The following VTI1A variants were observed in gnomAD, a reference collection of about 807,000 sequenced individuals.
VTI1A encodes vesicle transport through interaction with t-SNAREs homolog 1A.
A neutral mutation model predicts 34.9 loss-of-function variants in VTI1A; 22 were observed. The observed-to-expected ratio is 0.63, with a 90% CI of 0.45 to 0.90. The LOEUF (loss-of-function observed/expected upper bound fraction) is 0.90, where lower values mean the gene tolerates loss of function less well. VTI1A is among the 40% of genes least tolerant of loss of function. The pLI, the probability that VTI1A is intolerant of heterozygous loss-of-function variation, is 0.00. For missense variants in VTI1A, 268 were observed against 275.6 expected, an observed-to-expected ratio of 0.97 and a Z score of 0.20; for synonymous variants, 87 against 97.3, an observed-to-expected ratio of 0.89 and a Z score of 0.62.
chr10:112,611,451 ATAT>A (rs1405993429), intron 5 of VTI1A, among the ~76,000 whole-genome samples: 1 of 152,182 alleles, frequency 6.6e-6, no homozygotes, highest in Non-Finnish European at 1.5e-5. Flanking sequence ...ATTTGGCAAC[ATAT>A]TATTCTGATC....
chr10:112,757,235 A>T (rs1851313487), intron 7 of VTI1A, among the ~76,000 whole-genome samples: 1 of 151,462 alleles, frequency 6.6e-6, no homozygotes, highest in African/African-American at 2.4e-5. Context: ...TTGCTATGTG[A>T]TGAGTGCTGG....
chr10:112,841,391 C>G, the VTI1A span, among the ~76,000 whole-genome samples: 7 of 152,176 alleles, frequency 4.6e-5, no homozygotes, highest in Non-Finnish European at 1.0e-4. Context: ...CATACTTAGT[C>G]TTTATATTTT....
At chr10:112,447,882 C>T (rs1351759339) in intron 1 of VTI1A, among the ~76,000 whole-genome samples, 2 of 152,032 alleles carry the variant, frequency 1.3e-5, no homozygotes, top group East Asian at 1.9e-4. Flanking sequence ...TAATTATATG[C>T]GGCAAAATAG....
chr10:112,543,979 A>G (rs948965255), intron 5 of VTI1A, among the ~76,000 whole-genome samples: 1 of 152,144 alleles, frequency 6.6e-6, no homozygotes, highest in Non-Finnish European at 1.5e-5. Flanking sequence ...CTCAAAGATT[A>G]GTTGATTGTA....
At chr10:112,599,185 C>G (rs1416912671) in intron 5 of VTI1A, among the ~76,000 whole-genome samples, 2 of 152,038 alleles carry the variant, frequency 1.3e-5, no homozygotes, top group Non-Finnish European at 1.5e-5. Context: ...TCAAAAGGCC[C>G]GAAACAAGAA....
chr10:112,613,939 A>ATT (rs1370826129), intron 5 of VTI1A, among the ~76,000 whole-genome samples: 1 of 151,858 alleles, frequency 6.6e-6, no homozygotes, highest in Admixed American at 6.6e-5. Flanking sequence ...CCTGTTAACC[A>ATT]TTTTTTTGTT....
At chr10:112,526,355 A>T (rs1358833558) in intron 3 of VTI1A, among the ~76,000 whole-genome samples, 1 of 152,188 alleles carries the variant, frequency 6.6e-6, no homozygotes, top group African/African-American at 2.4e-5. Flanking sequence ...GACTGTGAAA[A>T]GTTGACTCAT....
chr10:112,720,743 A>G (rs1222041746), intron 7 of VTI1A, among the ~76,000 whole-genome samples: 1 of 152,218 alleles, frequency 6.6e-6, no homozygotes, highest in Non-Finnish European at 1.5e-5. Flanking sequence ...GGTTAGCGAT[A>G]CGGATATTAG....
intron 7 of VTI1A, among the ~76,000 whole-genome samples, chr10:112,803,875 C>T (rs548638378): frequency 1.3e-5 from 2 of 152,360 alleles, no homozygotes; most frequent in South Asian, 4.1e-4. Flanking sequence ...ATTTCTAGAA[C>T]ATCCTTATTT....
chr10:112,609,007 T>C (rs1845191965), intron 5 of VTI1A, among the ~76,000 whole-genome samples: 1 of 152,178 alleles, frequency 6.6e-6, no homozygotes, highest in South Asian at 2.1e-4. Flanking sequence ...ACAAAATGTA[T>C]ACTAGTAAAA....
At chr10:112,622,511 A>G (rs1469921681) in intron 5 of VTI1A, among the ~76,000 whole-genome samples, 2 of 152,076 alleles carry the variant, frequency 1.3e-5, no homozygotes, top group Non-Finnish European at 2.9e-5. Flanking sequence ...CCAGGACTAG[A>G]AAGAGTCACA....
At chr10:112,743,319 T>C (rs1289454253) in intron 7 of VTI1A, among the ~76,000 whole-genome samples, 3 of 152,222 alleles carry the variant, frequency 2.0e-5, no homozygotes, top group African/African-American at 7.2e-5. Flanking sequence ...AGGCTTACAA[T>C]GTTTACTACT....
chr10:112,548,735 C>T (rs972667818), intron 5 of VTI1A: 26 of 1,416,492 alleles, frequency 1.8e-5, no homozygotes, highest in South Asian at 2.4e-5. Context: ...TCTCATATCA[C>T]GAAGGGACCC....
intron 7 of VTI1A, among the ~76,000 whole-genome samples, chr10:112,766,871 A>G (rs766597763): frequency 2.7e-4 from 41 of 152,198 alleles, no homozygotes; most frequent in Non-Finnish European, 4.3e-4. Flanking sequence ...CTTGGATGAG[A>G]TGGAAGCTAA....
intron 3 of VTI1A, among the ~76,000 whole-genome samples, chr10:112,488,592 G>A (rs1287226810): frequency 6.6e-6 from 1 of 152,184 alleles, no homozygotes; most frequent in Non-Finnish European, 1.5e-5. Context: ...TCTGTATTCA[G>A]CGTTACTTCC....
chr10:112,775,148 A>G (rs572853508), intron 7 of VTI1A, among the ~76,000 whole-genome samples: 1 of 152,296 alleles, frequency 6.6e-6, no homozygotes, highest in Admixed American at 6.5e-5. Context: ...TAAAAACTGA[A>G]ACGGCTTAGC....
intron 7 of VTI1A, among the ~76,000 whole-genome samples, chr10:112,780,837 G>A (rs12358766): frequency 0.3 from 45,942 of 151,700 alleles, 7,205 homozygotes; most frequent in East Asian, 0.44. Context: ...TTTCCTCCCC[G>A]GGCACCCCAG....
chr10:112,513,798 A>T (rs1201096329), intron 3 of VTI1A, among the ~76,000 whole-genome samples: 1 of 151,874 alleles, frequency 6.6e-6, no homozygotes, highest in African/African-American at 2.4e-5. Context: ...AGATGATCAT[A>T]TTATTTTTAT....
Position 112,661,745 on chromosome 10 carries a change from C to CT in VTI1A, c.428-6465dup, listed in dbSNP as rs200839363. ...CTTATTATTGTTCTCCTGAATGTATCTTTTTTTTCTGCTGTTAAGTTTTTT... is the reference window on the plus strand; with the variant it reads ...CTTATTATTGTTCTCCTGAATGTATCTTTTTTTTTCTGCTGTTAAGTTTTTT... On this transcript the variant is annotated intron_variant, in intron 5 of 7. Coordinates refer to ENST00000393077, the MANE Select transcript of VTI1A (RefSeq NM_145206.4). Among the ~76,000 whole-genome samples the CT allele has an allele frequency of 6.6e-3, 892 of 134,176 alleles. 11 individuals are homozygous for CT. The highest frequency in any genetic ancestry group is 0.023 in the African/African-American group (831 of 36,924). The allele number at this position is 134,176 out of a possible 152,430, so 88.0% of individuals were successfully genotyped here.
Sources: gnomAD v4.1 joint callset for allele counts (sites outside exome capture counted in the v4.1 genomes callset) on GRCh38, gnomAD v4.1.1 for gene constraint, MANE v1.5 for transcripts, NCBI Gene and HGNC (gene_info 2026-07-23, HGNC 2026-07-21) for gene names.